FTO: variants seen among roughly 807,000 people sequenced by gnomAD.
The protein encoded by FTO is FTO alpha-ketoglutarate dependent dioxygenase.
In FTO, 47 loss-of-function variants were observed where a neutral mutation model predicts 63.9. The ratio of observed to expected loss-of-function variants is 0.74; its 90% CI spans 0.58 to 0.94. The LOEUF (loss-of-function observed/expected upper bound fraction) is 0.94, where lower values mean the gene tolerates loss of function less well. Among genes scored for constraint, FTO ranks in the 40% least tolerant of loss-of-function variants. FTO has a pLI of 0.00. For missense variants in FTO, 562 were observed against 618.1 expected (o/e 0.91, Z 0.96); for synonymous variants, 207 against 224.4 (o/e 0.92, Z 0.69).
chr16:53,754,458 C>T (rs1467481196), intron 1 of FTO, among the ~76,000 whole-genome samples: 3 of 152,056 alleles, frequency 2.0e-5, no homozygotes, highest in African/African-American at 7.2e-5. Context: ...GCCAACCTGG[C>T]GAAACCCCAT....
intron 4 of FTO, among the ~76,000 whole-genome samples, chr16:53,854,142 G>T (rs1056750356): frequency 6.6e-6 from 1 of 152,008 alleles, no homozygotes; most frequent in African/African-American, 2.4e-5. Context: ...GTCTATTCAT[G>T]TCATTTGCCC....
chr16:53,971,388 A>G (rs563573223), intron 8 of FTO, among the ~76,000 whole-genome samples: 29 of 152,370 alleles, frequency 1.9e-4, no homozygotes, highest in African/African-American at 5.5e-4. Context: ...TTACACTGCA[A>G]TCAGCAAAGT....
chr16:54,049,150 G>C (rs1428551199), intron 8 of FTO, among the ~76,000 whole-genome samples: 3 of 152,146 alleles, frequency 2.0e-5, no homozygotes, highest in African/African-American at 7.2e-5. Context: ...GGTTATTTGT[G>C]ATACTACCAC....
At chr16:53,704,013 G>T (rs1429684488), upstream of FTO, 6 of 725,770 alleles carry the variant, frequency 8.3e-6, no homozygotes, top group South Asian at 1.6e-5. Context: ...GCTAAATCCC[G>T]TGGCGCTCGC....
intron 8 of FTO, among the ~76,000 whole-genome samples, chr16:53,950,132 A>G (rs534014831): frequency 3.0e-5 from 4 of 132,632 alleles, no homozygotes; most frequent in South Asian, 2.3e-4. Context: ...ATTTGGCAGG[A>G]AAAAAAAAGA....
At chr16:53,930,456 C>A (rs2082255252) in intron 7 of FTO, among the ~76,000 whole-genome samples, 2 of 151,902 alleles carry the variant, frequency 1.3e-5, no homozygotes, top group African/African-American at 2.4e-5. Flanking sequence ...ATCTCCTGAT[C>A]TTGTGATCCA....
intron 1 of FTO, among the ~76,000 whole-genome samples, chr16:53,789,895 G>A (rs1026993753): frequency 5.3e-5 from 1 of 18,722 alleles, no homozygotes; most frequent in African/African-American, 6.6e-4. Flanking sequence ...ATACATATAC[G>A]TATATATATA....
intron 8 of FTO, among the ~76,000 whole-genome samples, chr16:53,951,257 A>G (rs1225861786): frequency 6.6e-6 from 1 of 152,176 alleles, no homozygotes; most frequent in Non-Finnish European, 1.5e-5. Flanking sequence ...CAATGCTCAC[A>G]TTACTAGGAA....
intron 8 of FTO, among the ~76,000 whole-genome samples, chr16:54,102,187 T>C (rs1426167454): frequency 5.3e-5 from 8 of 152,196 alleles, no homozygotes; most frequent in Non-Finnish European, 7.4e-5. Flanking sequence ...TATCAACTTT[T>C]GCTTTTGAAA....
At chr16:54,041,268 G>C (rs1330686732) in intron 8 of FTO, among the ~76,000 whole-genome samples, 1 of 152,106 alleles carries the variant, frequency 6.6e-6, no homozygotes, top group Non-Finnish European at 1.5e-5. Flanking sequence ...CGGCAGGAGA[G>C]GGAGCACAGG....
chr16:54,020,747 G>A lies in FTO; in HGVS notation c.1364+86638G>A, dbSNP rs369484411. 1.2e-4 allele frequency among the ~76,000 whole-genome samples: 19 copies of A among 152,222 alleles called. No individual in the cohort carries two copies. In the South Asian group the frequency reaches 3.3e-3, roughly 27 times the overall value. ...AGCACTTTGAAAGGCTGAGGCAGGC[G>A]GATTACTTGAGGTCAGGAGTTCGAG... On this transcript the variant is annotated intron_variant, in intron 8 of 8. Transcript: ENST00000471389.
intron 4 of FTO, among the ~76,000 whole-genome samples, chr16:53,851,732 A>T (rs900015652): frequency 2.6e-5 from 4 of 152,028 alleles, no homozygotes; most frequent in African/African-American, 9.7e-5. Context: ...TGTGCTGGAA[A>T]TTTTTTTATG....
chr16:53,756,458 A>G (rs1302397496), intron 1 of FTO, among the ~76,000 whole-genome samples: 1 of 152,154 alleles, frequency 6.6e-6, no homozygotes, highest in African/African-American at 2.4e-5. Context: ...CTTGCATCAG[A>G]GTGTTTATAT....
chr16:53,744,221 GAA>G (rs1215330381), intron 1 of FTO, among the ~76,000 whole-genome samples: 1 of 152,186 alleles, frequency 6.6e-6, no homozygotes, highest in African/African-American at 2.4e-5. Flanking sequence ...GGAGCTCATA[GAA>G]TGGAACATTC....
intron 8 of FTO, among the ~76,000 whole-genome samples, chr16:54,057,740 T>G (rs576600385): frequency 6.6e-6 from 1 of 152,194 alleles, no homozygotes; most frequent in Non-Finnish European, 1.5e-5. Context: ...TTTAATGCTT[T>G]GTATGCTCGC....
chr16:53,918,683 T>C (rs2081940583), intron 7 of FTO, among the ~76,000 whole-genome samples: 1 of 152,210 alleles, frequency 6.6e-6, no homozygotes, highest in Non-Finnish European at 1.5e-5. Flanking sequence ...CCTGTGTATA[T>C]GTTGTATTTC....
rs151115931 is a variant in FTO at position 53,795,472 on chromosome 16, C to CGT, written c.46-14655_46-14654dup. Among the ~76,000 whole-genome samples, 825 of 150,700 alleles carry CGT rather than the reference C, an allele frequency of 5.5e-3. 7 individuals carry two copies. Among genetic ancestry groups the CGT allele is most frequent in the African/African-American group, 0.019 (784 of 41,168 alleles). On this transcript the variant is annotated intron_variant, in intron 1 of 8. Coordinates refer to ENST00000471389, the MANE Select transcript of FTO (RefSeq NM_001080432.3). ...ATTTGTGTGTGTGTGTGTGTGCGTG[C>CGT]GTGTGTGTGTGTGTAGAGACCAGAT... is the stretch of plus-strand genomic sequence containing the variant.
chr16:53,712,425 A>T (rs1395028845), intron 1 of FTO, among the ~76,000 whole-genome samples: 1 of 152,194 alleles, frequency 6.6e-6, no homozygotes, highest in Non-Finnish European at 1.5e-5. Context: ...ATATATGGGT[A>T]AGCCTTTAAT....
intron 1 of FTO, among the ~76,000 whole-genome samples, chr16:53,712,590 C>T (rs2075801088): frequency 6.6e-6 from 1 of 152,176 alleles, no homozygotes; most frequent in Non-Finnish European, 1.5e-5. Context: ...TCTGTTATTT[C>T]CAGGCTGTTT....
Sources: gnomAD v4.1 joint callset for allele counts (sites outside exome capture counted in the v4.1 genomes callset) on GRCh38, gnomAD v4.1.1 for gene constraint, MANE v1.5 for transcripts, NCBI Gene and HGNC (gene_info 2026-07-23, HGNC 2026-07-21) for gene names.